The following ZNF385D variants were observed in gnomAD, a reference collection of about 807,000 sequenced individuals.
ZNF385D encodes zinc finger protein 385D, also known as zinc finger protein 659.
ZNF385D carries 15 observed loss-of-function variants against 35.8 expected under a neutral mutation model. That is an observed-to-expected ratio of 0.42 (90% CI 0.28 to 0.64). The LOEUF is 0.64. Ranked by LOEUF, ZNF385D falls within the 30% of genes least tolerant of loss-of-function variation. ZNF385D has a pLI of 0.23. For missense variants in ZNF385D, 474 were observed against 494.6 expected, an observed-to-expected ratio of 0.96 and a Z score of 0.39; for synonymous variants, 212 against 186.8, an observed-to-expected ratio of 1.13 and a Z score of -1.10.
intron 1 of ZNF385D, 93 bp downstream of exon 1, chr3:21,750,802 T>C: frequency 2.6e-6 from 4 of 1,532,254 alleles, no homozygotes; most frequent in Middle Eastern, 1.7e-4. Flanking sequence ...TAATGTAACA[T>C]ATTCTTGCTG....
At chr3:21,845,480 TAC>T (rs943647848) in intron 3 of ZNF385D, among the ~76,000 whole-genome samples, 5 of 151,992 alleles carry the variant, frequency 3.3e-5, no homozygotes, top group Admixed American at 2.6e-4. Flanking sequence ...CCTCAGCTGA[TAC>T]AAAGATATTT....
rs148355869 is a variant in ZNF385D, at chr3:22,258,624, A to G, written c.107-89589T>C. Among the ~76,000 whole-genome samples, 407 of 151,880 alleles carry G rather than the reference A, an allele frequency of 2.7e-3. 6 individuals carry two copies. The highest frequency in any genetic ancestry group is 9.0e-3 in the African/African-American group (375 of 41,542). On this transcript the variant is annotated intron_variant, in intron 2 of 5. Transcript: ENST00000494108. ...AGAAGTTTTCAAACTTTTTGGTCTC[A>G]GAACTCCTTATACACAAAAATAATT...
intron 3 of ZNF385D, among the ~76,000 whole-genome samples, chr3:21,932,335 G>T (rs1258444557): frequency 6.6e-6 from 1 of 151,858 alleles, no homozygotes; most frequent in Non-Finnish European, 1.5e-5. Flanking sequence ...AAGGAAAAAA[G>T]ATTCAAAACG....
At chr3:22,359,962 C>A (rs555077718) in intron 2 of ZNF385D, among the ~76,000 whole-genome samples, 1 of 151,888 alleles carries the variant, frequency 6.6e-6, no homozygotes, top group East Asian at 1.9e-4. Context: ...AGTTCTTAAA[C>A]GTATGTATGG....
intron 2 of ZNF385D, among the ~76,000 whole-genome samples, chr3:22,281,325 G>A (rs1371350773): frequency 6.6e-6 from 1 of 151,960 alleles, no homozygotes; most frequent in Non-Finnish European, 1.5e-5. Context: ...GTTCTTAAAG[G>A]GAATGCTCTC....
intron 3 of ZNF385D, among the ~76,000 whole-genome samples, chr3:22,067,688 A>T (rs544331843): frequency 1.2e-4 from 18 of 152,330 alleles, no homozygotes; most frequent in Admixed American, 3.3e-4. Context: ...ACTTCAAATT[A>T]TATAAGGGAA....
chr3:21,964,386 A>G (rs745995912), intron 3 of ZNF385D, among the ~76,000 whole-genome samples: 26 of 135,358 alleles, frequency 1.9e-4, no homozygotes, highest in Non-Finnish European at 3.6e-4. Context: ...CTTTGTAACT[A>G]CTGGCTCTAC....
chr3:22,011,975 T>G (rs1696602350), intron 3 of ZNF385D, among the ~76,000 whole-genome samples: 1 of 152,176 alleles, frequency 6.6e-6, no homozygotes, highest in Admixed American at 6.5e-5. Flanking sequence ...CTTCTTTGAC[T>G]TCTTTCAAGT....
rs188283705 is a variant in ZNF385D at position 22,057,343 on chromosome 3, C to T, written c.325+111474G>A. Among the ~76,000 whole-genome samples, 11 of 152,172 alleles carry T rather than the reference C, an allele frequency of 7.2e-5. No individual in the cohort carries two copies. In the East Asian group the frequency reaches 7.7e-4, roughly 11 times the overall value. On this transcript the variant is annotated intron_variant, in intron 3 of 5. Coordinates refer to the ZNF385D transcript ENST00000494108. ...AAAGTGACTAGCACTGTTCCTGGAACGCAGTTAACATTAAAAATTAACATT... is the reference window on the plus strand; with the variant it reads ...AAAGTGACTAGCACTGTTCCTGGAATGCAGTTAACATTAAAAATTAACATT...
At chr3:22,244,474 T>C (rs1331068759) in intron 2 of ZNF385D, among the ~76,000 whole-genome samples, 1 of 150,636 alleles carries the variant, frequency 6.6e-6, no homozygotes, top group African/African-American at 2.5e-5. Context: ...TTCTGTTTTA[T>C]CTTTTGTTAC....
At chr3:22,329,004 G>A (rs1694807978) in intron 2 of ZNF385D, among the ~76,000 whole-genome samples, 1 of 150,698 alleles carries the variant, frequency 6.6e-6, no homozygotes, top group Non-Finnish European at 1.5e-5. Flanking sequence ...GTGAACCCGG[G>A]AGGCGGAGCT....
chr3:22,115,820 G>A lies in ZNF385D; in HGVS notation c.325+52997C>T, dbSNP rs192500062. 1.6e-3 allele frequency among the ~76,000 whole-genome samples: 239 copies of A among 152,164 alleles called. 1 individual carries two copies. Among genetic ancestry groups the A allele is most frequent in the African/African-American group, 5.7e-3 (236 of 41,544 alleles). The stretch of plus-strand genomic sequence containing the variant: ...TCATCATCAGGAAAAACCGCTAGCA[G>A]GAAGGTTTAACCTACTAAGAAAACA... On this transcript the variant is annotated intron_variant, in intron 3 of 5. Coordinates refer to the ZNF385D transcript ENST00000494108.
intron 4 of ZNF385D, among the ~76,000 whole-genome samples, chr3:21,472,237 T>C (rs187579215): frequency 6.6e-6 from 1 of 152,254 alleles, no homozygotes; most frequent in African/African-American, 2.4e-5. Context: ...CTAGGCCCTT[T>C]AGAGTTATAC....
chr3:22,085,607 C>A (rs889787390), intron 3 of ZNF385D, among the ~76,000 whole-genome samples: 4 of 151,966 alleles, frequency 2.6e-5, no homozygotes, highest in Non-Finnish European at 4.4e-5. Flanking sequence ...CAAAAAAAGT[C>A]CAGGACCAGA....
chr3:22,038,845 TTG>T (rs1698491800), intron 3 of ZNF385D, among the ~76,000 whole-genome samples: 1 of 151,256 alleles, frequency 6.6e-6, no homozygotes, highest in Non-Finnish European at 1.5e-5. Context: ...ATGGTCATTA[TTG>T]TGTCTATCAT....
chr3:22,173,698 G>A (rs940411395), intron 2 of ZNF385D, among the ~76,000 whole-genome samples: 4 of 152,062 alleles, frequency 2.6e-5, no homozygotes. Context: ...CCATCGGATG[G>A]CTCTTTATCT....
At chr3:21,827,869 T>C (rs1023119080) in intron 3 of ZNF385D, among the ~76,000 whole-genome samples, 1 of 152,214 alleles carries the variant, frequency 6.6e-6, no homozygotes, top group Admixed American at 6.5e-5. Context: ...ACATGCTGAA[T>C]TTGTAGCATA....
chr3:22,073,769 C>T (rs1424848637), intron 3 of ZNF385D, among the ~76,000 whole-genome samples: 1 of 151,880 alleles, frequency 6.6e-6, no homozygotes, highest in Non-Finnish European at 1.5e-5. Flanking sequence ...CATTTGGATG[C>T]TTTCTGAATA....
chr3:21,793,928 A>AT (rs2072034853), intron 3 of ZNF385D, among the ~76,000 whole-genome samples: 2 of 152,240 alleles, frequency 1.3e-5, no homozygotes, highest in South Asian at 4.1e-4. Flanking sequence ...AACAGTATCT[A>AT]TTTTTCTGTA....
Sources: gnomAD v4.1 joint callset for allele counts (sites outside exome capture counted in the v4.1 genomes callset) on GRCh38, gnomAD v4.1.1 for gene constraint, MANE v1.5 for transcripts, NCBI Gene and HGNC (gene_info 2026-07-23, HGNC 2026-07-21) for gene names.